Variants in MAP3K14 observed in about 807,000 individuals in gnomAD.
MAP3K14 encodes the protein mitogen-activated protein kinase kinase kinase 14.
A neutral mutation model predicts 99.2 loss-of-function variants in MAP3K14; 16 were observed. The ratio of observed to expected loss-of-function variants is 0.16; its 90% CI spans 0.11 to 0.24. The LOEUF (loss-of-function observed/expected upper bound fraction) is 0.24, where lower values mean the gene tolerates loss of function less well. MAP3K14 is among the 10% of genes least tolerant of loss of function. The pLI is 1.00. For missense variants in MAP3K14, 784 were observed against 1,208.7 expected (o/e 0.65, Z 5.21); for synonymous variants, 462 against 492.4 (o/e 0.94, Z 0.82).
At position 45,279,942 on chromosome 17, in the gene MAP3K14, C is replaced by T. The variant is rs539808745; in HGVS notation, c.1290+4870G>A. Among the ~76,000 whole-genome samples the T allele has an allele frequency of 7.2e-4, 109 of 152,306 alleles. 1 individual carries two copies. Among genetic ancestry groups the T allele is most frequent in the Non-Finnish European group, 1.3e-3 (87 of 68,034 alleles). ...CCTTGTGCTATTTTCCTTCTAAACA[C>T]GTGTCCAGGACTGAAGGCTGCTCAC... On this transcript the variant is annotated intron_variant, in intron 6 of 15. Coordinates refer to ENST00000344686, the MANE Select transcript of MAP3K14 (RefSeq NM_003954.5).
intron 1 of MAP3K14, among the ~76,000 whole-genome samples, chr17:45,303,299 G>A (rs1166932068): frequency 6.6e-6 from 1 of 152,176 alleles, no homozygotes; most frequent in Non-Finnish European, 1.5e-5. Flanking sequence ...AGTGGCTCAT[G>A]ACTGTAATCC....
intron 1 of MAP3K14, among the ~76,000 whole-genome samples, chr17:45,315,045 C>T (rs183374327): frequency 2.5e-4 from 38 of 152,130 alleles, no homozygotes; most frequent in Admixed American, 2.5e-3. Flanking sequence ...CAACAGTTGC[C>T]GAGGGCTGGA....
At chr17:45,278,205 T>C (rs2044194226) in intron 6 of MAP3K14, among the ~76,000 whole-genome samples, 1 of 152,130 alleles carries the variant, frequency 6.6e-6, no homozygotes, top group Admixed American at 6.6e-5. Flanking sequence ...TCTTAGAGTG[T>C]CCCGTCCATG....
chr17:45,310,207 T>C (rs1373627244), intron 1 of MAP3K14, among the ~76,000 whole-genome samples: 1 of 152,020 alleles, frequency 6.6e-6, no homozygotes, highest in African/African-American at 2.4e-5. Flanking sequence ...CTAACTTTTT[T>C]GTATTTTTAG....
At chr17:45,312,746 C>T (rs2044491861) in intron 1 of MAP3K14, among the ~76,000 whole-genome samples, 1 of 152,132 alleles carries the variant, frequency 6.6e-6, no homozygotes, top group African/African-American at 2.4e-5. Flanking sequence ...AAGTCCTTGA[C>T]TGCAGATCGT....
intron 11 of MAP3K14, among the ~76,000 whole-genome samples, chr17:45,269,417 TG>T (rs2044124962): frequency 1.3e-5 from 2 of 152,208 alleles, no homozygotes; most frequent in Non-Finnish European, 2.9e-5. Flanking sequence ...ACCCCATTTC[TG>T]GCACAGAACT....
intron 8 of MAP3K14, 126 bp from the exon 9 acceptor site, chr17:45,273,733 C>A: frequency 1.3e-6 from 1 of 744,166 alleles, no homozygotes; most frequent in Non-Finnish European, 2.4e-6. Context: ...GCAGCTGCTG[C>A]TTCTGATTAG....
chr17:45,297,192 C>T (rs905281650), intron 1 of MAP3K14, among the ~76,000 whole-genome samples: 1 of 152,192 alleles, frequency 6.6e-6, no homozygotes, highest in Non-Finnish European at 1.5e-5. Flanking sequence ...TCTCTTAGGA[C>T]CCAAGGATCT....
chr17:45,287,233 G>T lies in MAP3K14; in HGVS notation c.458C>A (p.Ser153Tyr). 6.2e-7 allele frequency: 1 copy of T among 1,613,998 alleles called. No homozygotes were observed. Among genetic ancestry groups the T allele is most frequent in the Non-Finnish European group, 8.5e-7 (1 of 1,179,882 alleles). The change falls in exon 4 of 16, where the codon TCC becomes TAC. Residue 153 changes from serine (S) to tyrosine (Y), a missense_variant. Physicochemically the swap from Ser to Tyr is moderately radical, Grantham distance 144. This residue lies in a region of MAP3K14 where 188 missense variants were observed against 313.0 expected (regional missense o/e 0.60). Transcript: ENST00000344686. ...CAAGGCCACTCCTGCATGAGCCAGG[G>T]ACTTTGAGCTCTTCTTCTTCCGTTT... ...RKKRKKKSSKSLAHAGVALAK... is the reference protein window; with the variant it reads ...RKKRKKKSSKYLAHAGVALAK...
rs750417322 is a variant in MAP3K14, at chr17:45,286,824, C to A, written c.759G>T (p.Leu253=). Residue 253 remains leucine (L), a synonymous_variant, in exon 5 of 16, where the codon CTG becomes CTT. Transcript: ENST00000344686. The surrounding 1 kb of genome is among the most constrained non-coding windows in gnomAD (Gnocchi z 4.1). ...HHPQDGGPLP[L]PTHPFPYSRL... is the part of the protein sequence containing the mutation. ...TGCTATAGGGGAAGGGGTGCGTGGG[C>A]AGGGGCAGGGGGCCTCCGTCCTGGG... is the stretch of plus-strand genomic sequence containing the variant. The A allele has an allele frequency of 8.7e-6, 14 of 1,613,440 alleles. No homozygotes were observed. In the East Asian group the frequency reaches 1.6e-4, roughly 18 times the overall value.
At chr17:45,280,688 C>T (rs1293702380) in intron 6 of MAP3K14, among the ~76,000 whole-genome samples, 2 of 151,964 alleles carry the variant, frequency 1.3e-5, no homozygotes, top group Non-Finnish European at 2.9e-5. Context: ...TGGCTCACTG[C>T]AACCTCTGCC....
intron 6 of MAP3K14, among the ~76,000 whole-genome samples, chr17:45,282,834 C>T (rs545534312): frequency 6.4e-4 from 97 of 152,318 alleles, no homozygotes; most frequent in African/African-American, 2.2e-3. Flanking sequence ...CCTGCTCTTC[C>T]AGCTGAAAAC....
At chr17:45,289,510 C>T (rs2044294465) in intron 2 of MAP3K14, among the ~76,000 whole-genome samples, 1 of 152,092 alleles carries the variant, frequency 6.6e-6, no homozygotes, top group Admixed American at 6.5e-5. Flanking sequence ...AAGAGCAGAC[C>T]ACGGCCTCAG....
At position 45,290,601 on chromosome 17, in the gene MAP3K14, G is replaced by C. The variant is rs1598257948; in HGVS notation, c.145C>G (p.Pro49Ala). The change falls in exon 2 of 16, where the codon CCT (proline) becomes GCT (alanine). Residue 49 changes from proline to alanine, a missense_variant. By Grantham distance (27) the Pro-to-Ala change is conservative. This residue lies in a region of MAP3K14 where 188 missense variants were observed against 313.0 expected (regional missense o/e 0.60). Coordinates refer to ENST00000344686, the MANE Select transcript of MAP3K14 (RefSeq NM_003954.5). ...ATCTCCCACTTTCCGCAGAACACAG[G>C]GCTCTTCTCCACGGCCTCAAGCTTG... is the stretch of plus-strand genomic sequence containing the variant. ...VYKLEAVEKS[P>A]VFCGKWEILN... The C allele has an allele frequency of 6.2e-7, 1 of 1,613,682 alleles. No homozygotes were observed. The highest frequency in any genetic ancestry group is 8.5e-7 in the Non-Finnish European group (1 of 1,179,848).
Position 45,264,805 on chromosome 17 carries a change from G to A in MAP3K14, c.2680-5C>T. The A allele has an allele frequency of 6.2e-7, 1 of 1,612,666 alleles. No individual in the cohort carries two copies. Among genetic ancestry groups the A allele is most frequent in the Non-Finnish European group, 8.5e-7 (1 of 1,179,322 alleles). On this transcript the variant is annotated splice_polypyrimidine_tract_variant and splice_region_variant and intron_variant, in intron 15 of 15. Coordinates refer to ENST00000344686, the MANE Select transcript of MAP3K14 (RefSeq NM_003954.5). ...GCTGAAGGCTGCAGCTGGGATCTAA[G>A]GGTGGAGCAAACCAGTGGGCTGAGA...
intron 1 of MAP3K14, among the ~76,000 whole-genome samples, chr17:45,310,753 C>T (rs1168357852): frequency 1.3e-5 from 2 of 152,192 alleles, no homozygotes; most frequent in African/African-American, 4.8e-5. Flanking sequence ...TACTGCTTGG[C>T]TAGGTAGGAA....
intron 6 of MAP3K14, among the ~76,000 whole-genome samples, chr17:45,283,712 G>A (rs771569959): frequency 2.0e-5 from 3 of 152,190 alleles, no homozygotes; most frequent in Admixed American, 6.5e-5. Context: ...TTCAGATTGC[G>A]GATGCTCTAC....
intron 1 of MAP3K14, among the ~76,000 whole-genome samples, chr17:45,298,211 T>C (rs1031374526): frequency 2.0e-5 from 3 of 151,852 alleles, no homozygotes; most frequent in African/African-American, 4.8e-5. Context: ...ACTAAAATAA[T>C]AGAAATACAA....
chr17:45,275,548 G>A lies in MAP3K14; in HGVS notation c.1291-955C>T, dbSNP rs550134021. 1.6e-4 allele frequency among the ~76,000 whole-genome samples: 24 copies of A among 150,794 alleles called. No individual in the cohort carries two copies. In the Middle Eastern group the frequency reaches 0.01, roughly 66 times the overall value. On this transcript the variant is annotated intron_variant, in intron 6 of 15. Transcript: ENST00000344686. ...AAAAAACAAAAAACCCCCTACATTC[G>A]TCATCCTGGCTGCTGGCACGCTGTC...
Sources: gnomAD v4.1 joint callset for allele counts (sites outside exome capture counted in the v4.1 genomes callset) on GRCh38, gnomAD v4.1.1 for gene constraint, gnomAD v4.1.1 regional missense constraint, Gnocchi (gnomAD v3.1) non-coding constraint, MANE v1.5 for transcripts, NCBI Gene and HGNC (gene_info 2026-07-23, HGNC 2026-07-21) for gene names.